Variants in NRXN3 observed in about 807,000 individuals in gnomAD.
The protein encoded by NRXN3 is neurexin 3, also known as neurexin III.
A neutral mutation model predicts 137.6 loss-of-function variants in NRXN3; 32 were observed. That is an observed-to-expected ratio of 0.23 (90% CI 0.18 to 0.31). The LOEUF is 0.31. NRXN3 is among the 10% of genes least tolerant of loss of function. The pLI is 1.00. For missense variants in NRXN3, 1,574 were observed against 2,062.5 expected, an observed-to-expected ratio of 0.76 and a Z score of 4.59; for synonymous variants, 798 against 784.5, an observed-to-expected ratio of 1.02 and a Z score of -0.29.
intron 15 of NRXN3, among the ~76,000 whole-genome samples, chr14:79,193,965 T>G (rs2064783484): frequency 6.6e-6 from 1 of 152,212 alleles, no homozygotes; most frequent in African/African-American, 2.4e-5. Context: ...ATCCTATAAA[T>G]GTAATAATAG....
intron 19 of NRXN3, among the ~76,000 whole-genome samples, chr14:79,712,312 T>C (rs1376806188): frequency 1.3e-5 from 2 of 152,246 alleles, no homozygotes; most frequent in African/African-American, 2.4e-5. Context: ...TCTCATGCTC[T>C]CCCTGCCCTA....
chr14:78,540,792 A>G (rs534169851), intron 4 of NRXN3, among the ~76,000 whole-genome samples: 1 of 152,038 alleles, frequency 6.6e-6, no homozygotes, highest in Admixed American at 6.6e-5. Flanking sequence ...TTCCTTCAGG[A>G]GCTCTTGTAA....
chr14:78,946,571 C>T (rs1013997682), intron 10 of NRXN3, among the ~76,000 whole-genome samples: 1 of 152,172 alleles, frequency 6.6e-6, no homozygotes, highest in African/African-American at 2.4e-5. Context: ...TAAACCCCTC[C>T]TTCTTTATAC....
At chr14:78,688,573 G>C (rs2098142329) in intron 6 of NRXN3, among the ~76,000 whole-genome samples, 1 of 152,120 alleles carries the variant, frequency 6.6e-6, no homozygotes, top group South Asian at 2.1e-4. Flanking sequence ...GAGTTTTGCT[G>C]TAATCATAGC....
intron 10 of NRXN3, among the ~76,000 whole-genome samples, chr14:78,871,150 A>G (rs1239921306): frequency 6.7e-6 from 1 of 150,264 alleles, no homozygotes; most frequent in Non-Finnish European, 1.5e-5. Flanking sequence ...GCTGTTCTCT[A>G]TAGTGGCTGT....
At chr14:79,472,267 C>A (rs541957203) in intron 16 of NRXN3, among the ~76,000 whole-genome samples, 22 of 152,204 alleles carry the variant, frequency 1.4e-4, no homozygotes, top group Middle Eastern at 3.4e-3. Context: ...GCTCTTATTT[C>A]TCTTGCTACT....
intron 4 of NRXN3, among the ~76,000 whole-genome samples, chr14:78,504,115 C>A (rs1376205514): frequency 6.6e-6 from 1 of 152,088 alleles, no homozygotes; most frequent in African/African-American, 2.4e-5. Flanking sequence ...AGTTTCCCAT[C>A]CTTGGTTGAT....
At chr14:78,259,584 T>A (rs930140864) in intron 2 of NRXN3, among the ~76,000 whole-genome samples, 1 of 152,174 alleles carries the variant, frequency 6.6e-6, no homozygotes, top group Non-Finnish European at 1.5e-5. Context: ...AAGCCCTGGC[T>A]CAGCTAGCAA....
chr14:79,126,326 C>A (rs571513746), intron 15 of NRXN3, among the ~76,000 whole-genome samples: 1 of 148,434 alleles, frequency 6.7e-6, no homozygotes, highest in Non-Finnish European at 1.5e-5. Context: ...CCCTCCCCCC[C>A]GCCCCACCCC....
chr14:78,465,798 G>A (rs2095085301), intron 4 of NRXN3, among the ~76,000 whole-genome samples: 1 of 151,926 alleles, frequency 6.6e-6, no homozygotes, highest in African/African-American at 2.4e-5. Context: ...TTCCCAAAGT[G>A]CTGGGATTAC....
At chr14:79,353,977 A>C (rs61993071) in intron 15 of NRXN3, among the ~76,000 whole-genome samples, 1 of 152,170 alleles carries the variant, frequency 6.6e-6, no homozygotes, top group Non-Finnish European at 1.5e-5. Flanking sequence ...TCAGTATGCT[A>C]ACTTTCAGTA....
At chr14:78,352,259 A>G (rs1272587593) in intron 4 of NRXN3, among the ~76,000 whole-genome samples, 1 of 152,142 alleles carries the variant, frequency 6.6e-6, no homozygotes, top group African/African-American at 2.4e-5. Context: ...TTGAAAGCCA[A>G]TTACCCCACA....
At chr14:79,599,840 C>T (rs2097903606) in intron 16 of NRXN3, among the ~76,000 whole-genome samples, 1 of 152,078 alleles carries the variant, frequency 6.6e-6, no homozygotes, top group South Asian at 2.1e-4. Flanking sequence ...ACCAAAAATA[C>T]AAAAATTAGC....
intron 10 of NRXN3, 66 bp from the exon 11 acceptor site, chr14:78,957,176 C>CAA (rs2099398403): frequency 6.4e-7 from 1 of 1,574,072 alleles, no homozygotes; most frequent in South Asian, 1.2e-5. Context: ...GTGGTTTTGA[C>CAA]AACCCTGATG....
intron 15 of NRXN3, among the ~76,000 whole-genome samples, chr14:79,169,171 T>A (rs749103984): frequency 6.6e-6 from 1 of 152,106 alleles, no homozygotes; most frequent in South Asian, 2.1e-4. Flanking sequence ...TTTGTTACTA[T>A]GAAAGAAAGA....
chr14:78,436,871 A>T (rs562188954), intron 4 of NRXN3, among the ~76,000 whole-genome samples: 63 of 152,320 alleles, frequency 4.1e-4, no homozygotes, highest in Non-Finnish European at 5.1e-4. Context: ...GCAGGGCAAC[A>T]TGCTCAGTGC....
At chr14:78,351,711 C>A (rs965785994) in intron 4 of NRXN3, among the ~76,000 whole-genome samples, 3 of 150,418 alleles carry the variant, frequency 2.0e-5, no homozygotes, top group Non-Finnish European at 2.9e-5. Flanking sequence ...GATAACCACT[C>A]CTTTCACTGG....
intron 15 of NRXN3, among the ~76,000 whole-genome samples, chr14:79,126,498 A>G (rs935449418): frequency 1.7e-4 from 26 of 152,292 alleles, no homozygotes; most frequent in African/African-American, 4.8e-4. Flanking sequence ...TACAAAGGAC[A>G]TGAACTCATC....
intron 20 of NRXN3, among the ~76,000 whole-genome samples, chr14:79,826,513 C>A (rs1417448439): frequency 6.6e-6 from 1 of 152,152 alleles, no homozygotes; most frequent in Non-Finnish European, 1.5e-5. Flanking sequence ...TGTATTTCCC[C>A]TGAACCATTT....
Sources: allele counts gnomAD v4.1 joint callset (sites outside exome capture counted in the v4.1 genomes callset), GRCh38; gene constraint gnomAD v4.1.1; transcripts MANE v1.5; gene names NCBI Gene and HGNC (gene_info 2026-07-23, HGNC 2026-07-21).